The following OSBPL9 variants were observed in gnomAD, a reference collection of about 807,000 sequenced individuals.
OSBPL9 encodes the protein oxysterol-binding protein-related protein 9.
Under a neutral mutation model 106.6 loss-of-function variants are expected in OSBPL9, and 40 were observed. That is an observed-to-expected ratio of 0.38 (90% confidence interval 0.29 to 0.49). The LOEUF (loss-of-function observed/expected upper bound fraction) is 0.49. Among genes scored for constraint, OSBPL9 ranks in the 20% least tolerant of loss-of-function variants. OSBPL9 has a pLI of 0.97. For missense variants in OSBPL9, 609 were observed against 887.2 expected (o/e 0.69, Z 3.98); for synonymous variants, 269 against 295.4 (o/e 0.91, Z 0.92).
chr1:51,712,763 C>A (rs1660325013), intron 3 of OSBPL9, among the ~76,000 whole-genome samples: 1 of 152,048 alleles, frequency 6.6e-6, no homozygotes, highest in Non-Finnish European at 1.5e-5. Flanking sequence ...AAAAGTGTCT[C>A]CATTTATGTG....
chr1:51,765,997 G>A lies in OSBPL9; in HGVS notation c.938+16G>A, dbSNP rs371709556. The A allele has an allele frequency of 2.5e-6, 4 of 1,577,238 alleles. No homozygotes were observed. The highest frequency in any genetic ancestry group is 3.4e-6 in the Non-Finnish European group (4 of 1,162,176). On this transcript the variant is annotated intron_variant, in intron 12 of 23. Transcript: ENST00000428468. ...GCTTAATAGAGTGAGTAGATGAACA[G>A]AATATGTATTTAAATGATTCTCCTG...
At chr1:51,702,290 C>T (rs1288154281) in intron 3 of OSBPL9, among the ~76,000 whole-genome samples, 3 of 152,200 alleles carry the variant, frequency 2.0e-5, no homozygotes, top group African/African-American at 7.2e-5. Flanking sequence ...TCTATTTCTC[C>T]ACATCCTCTC....
At chr1:51,566,278 TCTC>T in the OSBPL9 span, 1 of 152,232 alleles carries the variant, frequency 6.6e-6, no homozygotes, top group African/African-American at 2.4e-5. Flanking sequence ...CCAGCCTCCT[TCTC>T]CTATCTCCAC....
chr1:51,743,332 G>C (rs1290955818), intron 4 of OSBPL9, among the ~76,000 whole-genome samples: 1 of 152,188 alleles, frequency 6.6e-6, no homozygotes, highest in Non-Finnish European at 1.5e-5. Context: ...CTAGAGGCAA[G>C]TGTAAGAAGA....
At chr1:51,774,484 T>G (rs1186753377) in intron 14 of OSBPL9, among the ~76,000 whole-genome samples, 1 of 152,228 alleles carries the variant, frequency 6.6e-6, no homozygotes, top group Non-Finnish European at 1.5e-5. Flanking sequence ...AATTTGTGTC[T>G]TTTATAAGAA....
chr1:51,605,407 A>G (rs1021753381), intron 2 of OSBPL9, among the ~76,000 whole-genome samples: 5 of 152,186 alleles, frequency 3.3e-5, no homozygotes, highest in Admixed American at 6.5e-5. Context: ...CCTGGGCAAC[A>G]TAGTGAGACC....
intron 1 of OSBPL9, among the ~76,000 whole-genome samples, chr1:51,622,138 G>C (rs140975946): frequency 1.1e-3 from 171 of 152,278 alleles, no homozygotes; most frequent in African/African-American, 3.8e-3. Context: ...CAGGTTTTCA[G>C]CTTGAGCTGG....
chr1:51,541,870 A>C, the OSBPL9 span, among the ~76,000 whole-genome samples: 1 of 150,122 alleles, frequency 6.7e-6, no homozygotes, highest in Non-Finnish European at 1.5e-5. Context: ...AATTGAAAGC[A>C]CTCACATTTA....
intron 4 of OSBPL9, among the ~76,000 whole-genome samples, chr1:51,723,317 CT>C (rs1356465465): frequency 6.6e-6 from 1 of 152,230 alleles, no homozygotes; most frequent in Non-Finnish European, 1.5e-5. Flanking sequence ...TCCCTCCTCC[CT>C]CATCCCTGGC....
the OSBPL9 span, among the ~76,000 whole-genome samples, chr1:51,556,077 C>T: frequency 6.6e-6 from 1 of 151,118 alleles, no homozygotes; most frequent in African/African-American, 2.4e-5. Context: ...TGTGTGATCT[C>T]GGGCAAGTTT....
rs1464263304 is a variant in OSBPL9 at position 51,680,653 on chromosome 1, C to T, written c.241+11141C>T. On this transcript the variant is annotated intron_variant, in intron 3 of 23. Transcript: ENST00000428468. The stretch of plus-strand genomic sequence containing the variant: ...TCCAGCCTGGGTGACAGAGTGAGAC[C>T]CTGTCTCAAAAAAAACAAAAAAAAA... 3.3e-5 allele frequency among the ~76,000 whole-genome samples: 5 copies of T among 151,158 alleles called. No homozygotes were observed. The East Asian group carries it at 7.8e-4, about 24-fold the overall frequency.
chr1:51,648,397 C>G (rs962904450), intron 1 of OSBPL9, among the ~76,000 whole-genome samples: 4 of 152,200 alleles, frequency 2.6e-5, no homozygotes, highest in Non-Finnish European at 2.9e-5. Flanking sequence ...CCAGTGGCCT[C>G]TGTACCTCAC....
At chr1:51,771,815 A>G (rs1673963126) in intron 12 of OSBPL9, among the ~76,000 whole-genome samples, 1 of 152,228 alleles carries the variant, frequency 6.6e-6, no homozygotes, top group Non-Finnish European at 1.5e-5. Context: ...ACAAAATCAT[A>G]AAAGGAACTC....
At chr1:51,760,611 C>A in intron 9 of OSBPL9, 79 bp from the exon 10 acceptor site, 1 of 1,596,358 alleles carries the variant, frequency 6.3e-7, no homozygotes, top group South Asian at 1.1e-5. Context: ...ATTTTGAAGT[C>A]ATAAATGTGG....
rs377740042 is a variant in OSBPL9, at chr1:51,756,327, G to C, written c.551G>C (p.Ser184Thr). 3.5e-5 allele frequency: 56 copies of C among 1,612,794 alleles called. No individual in the cohort carries two copies. Among genetic ancestry groups the C allele is most frequent in the Non-Finnish European group, 4.7e-5 (55 of 1,179,176 alleles). The change falls in exon 9 of 24, where the codon AGT (serine) becomes ACT (threonine). Residue 184 changes from serine (S) to threonine (T), a missense_variant. Ser to Thr is a moderately conservative substitution (Grantham distance 58). Transcript: ENST00000428468. ...IVLLQIAKDQSNAEKHADGMI... is the reference protein window; with the variant it reads ...IVLLQIAKDQTNAEKHADGMI... Reference sequence around the variant, plus strand: ...TTAACATTTTTCCTTAAGGACCAGAGTAATGCGGAGAAGCACGCAGATGGA... The same window carrying C: ...TTAACATTTTTCCTTAAGGACCAGACTAATGCGGAGAAGCACGCAGATGGA...
chr1:51,751,962 G>T (rs1243968552), intron 8 of OSBPL9, among the ~76,000 whole-genome samples: 1 of 152,128 alleles, frequency 6.6e-6, no homozygotes, highest in South Asian at 2.1e-4. Flanking sequence ...ATTCCAGAAG[G>T]AAGTTTTATT....
the OSBPL9 span, among the ~76,000 whole-genome samples, chr1:51,523,027 C>A: frequency 6.6e-6 from 1 of 151,986 alleles, no homozygotes; most frequent in Non-Finnish European, 1.5e-5. Context: ...AAGGCCGAGG[C>A]AGGAGGATTG....
intron 1 of OSBPL9, among the ~76,000 whole-genome samples, chr1:51,624,416 C>T (rs1177719962): frequency 6.6e-6 from 1 of 151,662 alleles, no homozygotes; most frequent in South Asian, 2.1e-4. Flanking sequence ...GGTAAAACCC[C>T]GTCTGTACTA....
upstream of OSBPL9, among the ~76,000 whole-genome samples, chr1:51,572,513 T>G (rs1040597081): frequency 6.6e-6 from 1 of 152,132 alleles, no homozygotes; most frequent in African/African-American, 2.4e-5. Flanking sequence ...AGAAGAACAT[T>G]TGGATGTTAT....
Sources: gnomAD v4.1 joint callset for allele counts (sites outside exome capture counted in the v4.1 genomes callset) on GRCh38, gnomAD v4.1.1 for gene constraint, MANE v1.5 for transcripts, NCBI Gene and HGNC (gene_info 2026-07-23, HGNC 2026-07-21) for gene names.